LHFPL6: variants seen among roughly 807,000 people sequenced by gnomAD.
The protein encoded by LHFPL6 is LHFPL tetraspan subfamily member 6 protein.
A neutral mutation model predicts 20.6 loss-of-function variants in LHFPL6; 9 were observed. That is an observed-to-expected ratio of 0.44 (90% CI 0.26 to 0.76). LHFPL6 has a LOEUF of 0.76. Ranked by LOEUF, LHFPL6 falls within the 30% of genes least tolerant of loss-of-function variation. LHFPL6 has a pLI of 0.20. For missense variants in LHFPL6, 218 were observed against 253.5 expected, an observed-to-expected ratio of 0.86 and a Z score of 0.95; for synonymous variants, 105 against 98.7, an observed-to-expected ratio of 1.06 and a Z score of -0.38.
intron 2 of LHFPL6, among the ~76,000 whole-genome samples, chr13:39,581,716 C>A (rs1193055138): frequency 6.6e-6 from 1 of 151,424 alleles, no homozygotes; most frequent in Non-Finnish European, 1.5e-5. Context: ...CTATTCCAGA[C>A]CAAAAACAAA....
rs1346994027 is a variant in LHFPL6 at position 39,594,884 on chromosome 13, G to A, written c.385+5948C>T. On this transcript the variant is annotated intron_variant, in intron 2 of 3. Coordinates refer to ENST00000379589, the MANE Select transcript of LHFPL6 (RefSeq NM_005780.3). ...TCGCAAGGACAAAAAACCAAACACCGCATGTTCTCACTCATAGGTGGGAAT... is the reference window on the plus strand; with the variant it reads ...TCGCAAGGACAAAAAACCAAACACCACATGTTCTCACTCATAGGTGGGAAT... Among the ~76,000 whole-genome samples, 38 of 152,152 alleles carry A rather than the reference G, an allele frequency of 2.5e-4. No homozygotes were observed. In the Middle Eastern group the frequency reaches 0.021, roughly 82 times the overall value.
At position 39,562,527 on chromosome 13, in the gene LHFPL6, TAC is replaced by T. The variant is rs1480413232; in HGVS notation, c.385+38303_385+38304del. Among the ~76,000 whole-genome samples, 80 of 144,760 alleles carry T rather than the reference TAC, an allele frequency of 5.5e-4. 7 individuals carry two copies. The highest frequency in any genetic ancestry group is 8.4e-4 in the Admixed American group (12 of 14,310). The allele number at this position is 144,760 out of a possible 152,430, so 95.0% of individuals were successfully genotyped here. A position where few individuals can be genotyped will look rare whatever the true frequency, so the allele number is the denominator to read the frequency against. On this transcript the variant is annotated intron_variant, in intron 2 of 3. Coordinates refer to ENST00000379589, the MANE Select transcript of LHFPL6 (RefSeq NM_005780.3). ...ATACATATATACATATATACACATATACACATATATACACATATACATATATA... is the reference window on the plus strand; with the variant it reads ...ATACATATATACATATATACACATATACATATATACACATATACATATATA...
chr13:39,432,636 G>A (rs1426959025), intron 2 of LHFPL6, among the ~76,000 whole-genome samples: 1 of 152,034 alleles, frequency 6.6e-6, no homozygotes, highest in African/African-American at 2.4e-5. Flanking sequence ...TCCTTTCCTG[G>A]CTGTATAAGT....
chr13:39,453,154 G>A (rs1872492522), intron 2 of LHFPL6, among the ~76,000 whole-genome samples: 1 of 152,132 alleles, frequency 6.6e-6, no homozygotes, highest in Non-Finnish European at 1.5e-5. Flanking sequence ...TGAGAGTTGA[G>A]GTCATTCTTG....
chr13:39,549,740 C>T (rs1003008629), intron 2 of LHFPL6, among the ~76,000 whole-genome samples: 1 of 152,108 alleles, frequency 6.6e-6, no homozygotes, highest in African/African-American at 2.4e-5. Flanking sequence ...TATTCATAAT[C>T]ACTATAAACT....
intron 2 of LHFPL6, among the ~76,000 whole-genome samples, chr13:39,403,567 A>G (rs1418872576): frequency 6.6e-6 from 1 of 152,218 alleles, no homozygotes; most frequent in Non-Finnish European, 1.5e-5. Context: ...AGTAACATTC[A>G]ATCAGTAAGA....
At chr13:39,386,937 C>G (rs138665145) in intron 2 of LHFPL6, among the ~76,000 whole-genome samples, 1,526 of 152,272 alleles carry the variant, frequency 0.01, 21 homozygotes, top group African/African-American at 0.034. Flanking sequence ...AAAATACTAC[C>G]ACTTAAGGTC....
chr13:39,381,667 T>C (rs1870439082), intron 2 of LHFPL6, among the ~76,000 whole-genome samples: 1 of 152,048 alleles, frequency 6.6e-6, no homozygotes, highest in South Asian at 2.1e-4. Context: ...TTACCCAAGA[T>C]GGCCATCAGA....
intron 2 of LHFPL6, among the ~76,000 whole-genome samples, chr13:39,563,649 C>T (rs7987557): frequency 0.055 from 8,396 of 152,242 alleles, 373 homozygotes; most frequent in African/African-American, 0.12. Context: ...ATATGGGACT[C>T]AGAACATAAT....
At chr13:39,522,028 T>C (rs1870123810) in intron 2 of LHFPL6, among the ~76,000 whole-genome samples, 1 of 152,132 alleles carries the variant, frequency 6.6e-6, no homozygotes, top group Non-Finnish European at 1.5e-5. Context: ...CCCAAACCCC[T>C]AGTACACACA....
At chr13:39,557,680 T>G (rs895822474) in intron 2 of LHFPL6, among the ~76,000 whole-genome samples, 2 of 152,256 alleles carry the variant, frequency 1.3e-5, no homozygotes, top group Non-Finnish European at 2.9e-5. Context: ...ATCTGACCCC[T>G]GCATATCTCA....
At chr13:39,429,300 T>C (rs1871726891) in intron 2 of LHFPL6, among the ~76,000 whole-genome samples, 1 of 152,190 alleles carries the variant, frequency 6.6e-6, no homozygotes, top group Admixed American at 6.5e-5. Context: ...GTCTCATGTA[T>C]TTTGAAGCTC....
At chr13:39,449,239 C>T (rs1009007462) in intron 2 of LHFPL6, among the ~76,000 whole-genome samples, 1 of 152,184 alleles carries the variant, frequency 6.6e-6, no homozygotes, top group Non-Finnish European at 1.5e-5. Flanking sequence ...TTGAAATATG[C>T]ACTAAACACA....
chr13:39,574,705 A>G (rs1377224204), intron 2 of LHFPL6, among the ~76,000 whole-genome samples: 1 of 152,182 alleles, frequency 6.6e-6, no homozygotes, highest in East Asian at 1.9e-4. Context: ...TGGATGTACA[A>G]GAGGCTGGAT....
chr13:39,525,256 G>A (rs1348093234), intron 2 of LHFPL6, among the ~76,000 whole-genome samples: 1 of 151,908 alleles, frequency 6.6e-6, no homozygotes, highest in Non-Finnish European at 1.5e-5. Context: ...TCTAATCATG[G>A]GTTTTGTTTC....
At chr13:39,345,121 T>C (rs574275510) in intron 3 of LHFPL6, among the ~76,000 whole-genome samples, 2 of 152,340 alleles carry the variant, frequency 1.3e-5, no homozygotes, top group African/African-American at 2.4e-5. Flanking sequence ...ACAGCAACCA[T>C]GTTCCTCCTT....
At chr13:39,374,322 T>G (rs1408726815) in intron 3 of LHFPL6, among the ~76,000 whole-genome samples, 1 of 152,042 alleles carries the variant, frequency 6.6e-6, no homozygotes, top group Admixed American at 6.6e-5. Context: ...AAGTGGGAGC[T>G]AAACACTAAG....
At chr13:39,461,613 T>C (rs1872689624) in intron 2 of LHFPL6, among the ~76,000 whole-genome samples, 1 of 151,982 alleles carries the variant, frequency 6.6e-6, no homozygotes, top group East Asian at 1.9e-4. Context: ...TGAGACATTA[T>C]CAAAGATGAT....
intron 2 of LHFPL6, 128 bp from the exon 3 acceptor site, chr13:39,378,654 C>T (rs41286955): frequency 0.16 from 96,491 of 589,976 alleles, 8,704 homozygotes; most frequent in Non-Finnish European, 0.19. Flanking sequence ...CCAGCCACAA[C>T]TCTTTTAAGC....
Sources: gnomAD v4.1 joint callset for allele counts (sites outside exome capture counted in the v4.1 genomes callset) on GRCh38, gnomAD v4.1.1 for gene constraint, MANE v1.5 for transcripts, NCBI Gene and HGNC (gene_info 2026-07-23, HGNC 2026-07-21) for gene names.